NPNT: variants seen among roughly 807,000 people sequenced by gnomAD.
NPNT encodes the protein nephronectin, also known as preosteoblast EGF-like repeat protein with MAM domain.
In NPNT, 45 loss-of-function variants were observed where a neutral mutation model predicts 68.6. The observed-to-expected ratio is 0.66, with a 90% CI of 0.52 to 0.84. NPNT has a LOEUF of 0.84. Ranked by LOEUF, NPNT falls within the 40% of genes least tolerant of loss-of-function variation. The probability of loss-of-function intolerance (pLI) is 0.00; values close to 1 mark genes in which losing one functional copy is unlikely to be tolerated. For synonymous variants in NPNT, 233 were observed against 253.3 expected (o/e 0.92, Z 0.76); for missense variants, 672 against 714.8 (o/e 0.94, Z 0.68).
At position 105,928,176 on chromosome 4, in the gene NPNT, G is replaced by A. The variant is rs1377136229; in HGVS notation, c.265+748G>A. Reference sequence around the variant, plus strand: ...ACAGAGTTAGTAAAAGAGCTAGCATGTCAACTTAGAGCTATGGCATATATA... The same window carrying A: ...ACAGAGTTAGTAAAAGAGCTAGCATATCAACTTAGAGCTATGGCATATATA... On this transcript the variant is annotated intron_variant, in intron 3 of 11. Transcript: ENST00000379987. Among the ~76,000 whole-genome samples the A allele has an allele frequency of 2.5e-3, 374 of 152,228 alleles. 2 individuals carry two copies. Among genetic ancestry groups the A allele is most frequent in the African/African-American group, 8.6e-3 (358 of 41,536 alleles).
intron 2 of NPNT, among the ~76,000 whole-genome samples, chr4:105,920,980 A>G (rs1728215430): frequency 6.6e-6 from 1 of 152,208 alleles, no homozygotes; most frequent in Non-Finnish European, 1.5e-5. Flanking sequence ...AATATGCTGC[A>G]TCAATGGTTC....
chr4:105,942,136 T>TATATAGAC lies in NPNT; in HGVS notation c.764-170_764-169insTATAGACA, dbSNP rs140603677. Reference sequence around the variant, plus strand: ...GTGTGTATATATATATATATATATATACACACATATATATTTGTTATTTGG... The same window carrying TATATAGAC: ...GTGTGTATATATATATATATATATATATATAGACACACACATATATATTTGTTATTTGG... On this transcript the variant is annotated intron_variant, in intron 7 of 11. Transcript: ENST00000379987. Among the ~76,000 whole-genome samples, 199 of 147,772 alleles carry TATATAGAC rather than the reference T, an allele frequency of 1.3e-3. 3 individuals carry two copies. The highest frequency in any genetic ancestry group is 3.5e-3 in the African/African-American group (140 of 39,578).
At chr4:105,950,348 T>TAAC (rs1730724662) in intron 8 of NPNT, among the ~76,000 whole-genome samples, 1 of 1,526 alleles carries the variant, frequency 6.6e-4, no homozygotes, top group African/African-American at 1.3e-3. Flanking sequence ...ACATAGTTAT[T>TAAC]TTATGCTTAT....
intron 2 of NPNT, among the ~76,000 whole-genome samples, chr4:105,900,635 T>C (rs1336478251): frequency 6.6e-6 from 1 of 152,116 alleles, no homozygotes; most frequent in East Asian, 1.9e-4. Flanking sequence ...GCTGGGAAAC[T>C]TTATATCCTT....
chr4:105,913,162 C>T (rs755205012), intron 2 of NPNT, among the ~76,000 whole-genome samples: 2 of 152,080 alleles, frequency 1.3e-5, no homozygotes, highest in East Asian at 1.9e-4. Context: ...CTACTGCACC[C>T]GGCCTGAGAA....
chr4:105,944,176 A>G (rs1730196304), intron 8 of NPNT, among the ~76,000 whole-genome samples: 1 of 152,172 alleles, frequency 6.6e-6, no homozygotes, highest in Non-Finnish European at 1.5e-5. Context: ...CTCAAAATAT[A>G]CATTTTATAT....
chr4:105,906,754 C>T (rs1227452985), intron 2 of NPNT, among the ~76,000 whole-genome samples: 1 of 152,146 alleles, frequency 6.6e-6, no homozygotes, highest in Non-Finnish European at 1.5e-5. Flanking sequence ...AGGGATAGGG[C>T]CCCGCCTAGG....
chr4:105,956,476 A>G (rs1468964724), intron 8 of NPNT, among the ~76,000 whole-genome samples: 6 of 152,126 alleles, frequency 3.9e-5, no homozygotes, highest in African/African-American at 1.4e-4. Context: ...CTGGGAGGAA[A>G]AAAAAAGACG....
rs768962797 is a variant in NPNT, at chr4:105,971,223, G to T, written c.*2233G>T. 1 of 449,682 alleles carries T rather than the reference G, an allele frequency of 2.2e-6. No homozygotes were observed. The highest frequency in any genetic ancestry group is 4.5e-6 in the Non-Finnish European group (1 of 222,886). 27.9% of individuals were successfully genotyped at this position (449,682 alleles called of 1,614,324 possible). A position where few individuals can be genotyped will look rare whatever the true frequency, so the allele number is the denominator to read the frequency against. ...GAGAAAGAGTGCCCTGCCCCACACC[G>T]GCAGACCTTTCCTTCACCTCATCAG... is the stretch of plus-strand genomic sequence containing the variant. On this transcript the variant is annotated 3_prime_UTR_variant, in exon 12 of 12. Coordinates refer to ENST00000379987, the MANE Select transcript of NPNT (RefSeq NM_001033047.3).
At chr4:105,959,554 A>G (rs1348987282) in intron 10 of NPNT, among the ~76,000 whole-genome samples, 1 of 140,590 alleles carries the variant, frequency 7.1e-6, no homozygotes, top group African/African-American at 2.7e-5. Flanking sequence ...TTTGAGTGGT[A>G]GTAGAAGAAC....
intron 2 of NPNT, among the ~76,000 whole-genome samples, chr4:105,904,308 T>A (rs1726690332): frequency 6.6e-6 from 1 of 152,210 alleles, no homozygotes; most frequent in African/African-American, 2.4e-5. Context: ...ATTTGTAATT[T>A]TTATCAATTG....
At chr4:105,916,797 A>G (rs1387423020) in intron 2 of NPNT, among the ~76,000 whole-genome samples, 5 of 152,198 alleles carry the variant, frequency 3.3e-5, no homozygotes, top group Non-Finnish European at 7.3e-5. Context: ...TTACGCCAGT[A>G]TAACAGCTTC....
chr4:105,896,672 C>G (rs768994339), intron 1 of NPNT, among the ~76,000 whole-genome samples: 2 of 152,182 alleles, frequency 1.3e-5, no homozygotes, highest in Non-Finnish European at 1.5e-5. Context: ...GATGCCGCAC[C>G]TGTTTTACCT....
At chr4:105,938,724 A>G (rs1023570806) in intron 5 of NPNT, among the ~76,000 whole-genome samples, 9 of 152,200 alleles carry the variant, frequency 5.9e-5, no homozygotes, top group African/African-American at 1.9e-4. Flanking sequence ...CTAGAATGTA[A>G]GCGGCAAGGG....
chr4:105,920,458 G>A (rs1221480682), intron 2 of NPNT, among the ~76,000 whole-genome samples: 1 of 140,174 alleles, frequency 7.1e-6, no homozygotes, highest in Non-Finnish European at 1.5e-5. Context: ...TTTTTAATGT[G>A]TTCTTAACGT....
chr4:105,970,185 A>G lies in NPNT; in HGVS notation c.*1195A>G, dbSNP rs1732469996. 1.9e-6 allele frequency: 1 copy of G among 533,756 alleles called. No homozygotes were observed. Among genetic ancestry groups the G allele is most frequent in the Admixed American group, 3.2e-5 (1 of 31,064 alleles). 33.1% of individuals were successfully genotyped at this position (533,756 alleles called of 1,614,324 possible). A position where few individuals can be genotyped will look rare whatever the true frequency, so the allele number is the denominator to read the frequency against. On this transcript the variant is annotated 3_prime_UTR_variant, in exon 12 of 12. Coordinates refer to ENST00000379987, the MANE Select transcript of NPNT (RefSeq NM_001033047.3). ...CAAGTCCCATGCTTAGAGGCATGGG[A>G]TGTGTTGGAACGGGATTTACACACA...
chr4:105,897,911 C>G lies in NPNT; in HGVS notation c.82C>G (p.Gln28Glu). The change falls in exon 2 of 12, where the codon CAA (glutamine) becomes GAA (glutamate). Residue 28 changes from glutamine to glutamate, a missense_variant. Physicochemically the swap from Gln to Glu is conservative, Grantham distance 29. Coordinates refer to ENST00000379987, the MANE Select transcript of NPNT (RefSeq NM_001033047.3). Reference protein sequence around the residue: ...AAEFDGRWPRQIVSSIGLCRY... With the variant: ...AAEFDGRWPREIVSSIGLCRY... The stretch of plus-strand genomic sequence containing the variant: ...CTTTTTTTTTGGTAGGTGGCCCAGG[C>G]AAATAGTGTCATCGATTGGCCTATG... 1 of 1,612,584 alleles carries G rather than the reference C, an allele frequency of 6.2e-7. No homozygotes were observed. Among genetic ancestry groups the G allele is most frequent in the South Asian group, 1.1e-5 (1 of 91,012 alleles).
At chr4:105,907,049 G>A (rs1486292890) in intron 2 of NPNT, among the ~76,000 whole-genome samples, 4 of 152,106 alleles carry the variant, frequency 2.6e-5, no homozygotes, top group East Asian at 1.9e-4. Flanking sequence ...TAGGTGTTCC[G>A]GGGAGTCAAA....
chr4:105,969,206 A>G lies in NPNT; in HGVS notation c.*216A>G, dbSNP rs1732402437. 4.9e-6 allele frequency: 2 copies of G among 407,854 alleles called. No individual in the cohort carries two copies. The highest frequency in any genetic ancestry group is 8.8e-6 in the Non-Finnish European group (2 of 226,074). The allele number at this position is 407,854 out of a possible 1,614,324, so 25.3% of individuals were successfully genotyped here. On this transcript the variant is annotated 3_prime_UTR_variant, in exon 12 of 12. Coordinates refer to ENST00000379987, the MANE Select transcript of NPNT (RefSeq NM_001033047.3). ...TGAAATACAGGGGCATCGCAGACACATCAAAGCCATCTGTGGGTGTTGCCT... is the reference window on the plus strand; with the variant it reads ...TGAAATACAGGGGCATCGCAGACACGTCAAAGCCATCTGTGGGTGTTGCCT...
Sources: gnomAD v4.1 joint callset for allele counts (sites outside exome capture counted in the v4.1 genomes callset) on GRCh38, gnomAD v4.1.1 for gene constraint, MANE v1.5 for transcripts, NCBI Gene and HGNC (gene_info 2026-07-23, HGNC 2026-07-21) for gene names.